The following PRDM5 variants were observed in gnomAD, a reference collection of about 807,000 sequenced individuals.
PRDM5 encodes PR/SET domain 5.
In PRDM5, 56 loss-of-function variants were observed where a neutral mutation model predicts 81.2. The observed-to-expected ratio is 0.69, with a 90% CI of 0.56 to 0.86. The LOEUF (loss-of-function observed/expected upper bound fraction) is 0.86. Ranked by LOEUF, PRDM5 falls within the 40% of genes least tolerant of loss-of-function variation. The pLI, the probability that PRDM5 is intolerant of heterozygous loss-of-function variation, is 0.00. For synonymous variants in PRDM5, 267 were observed against 256.4 expected (o/e 1.04, Z -0.39); for missense variants, 697 against 770.1 (o/e 0.91, Z 1.12).
At chr4:120,796,158 T>C (rs1291206582) in intron 10 of PRDM5, among the ~76,000 whole-genome samples, 1 of 152,178 alleles carries the variant, frequency 6.6e-6, no homozygotes, top group Non-Finnish European at 1.5e-5. Flanking sequence ...TGGCATATCC[T>C]TACTTCTATG....
chr4:120,820,592 C>T, intron 4 of PRDM5, among the ~76,000 whole-genome samples: 1 of 152,212 alleles, frequency 6.6e-6, no homozygotes, highest in Admixed American at 6.5e-5. Context: ...GACCTACGGT[C>T]ACTGAAAGTT....
chr4:120,698,968 T>C (rs1345465162), intron 15 of PRDM5, among the ~76,000 whole-genome samples: 2 of 151,756 alleles, frequency 1.3e-5, no homozygotes, highest in Admixed American at 1.3e-4. Flanking sequence ...AAATAAAACA[T>C]ACACATGTAC....
chr4:120,754,454 G>C, intron 14 of PRDM5, 99 bp downstream of exon 14: 3 of 761,080 alleles, frequency 3.9e-6, no homozygotes, highest in Non-Finnish European at 6.5e-6. Context: ...ACAACTTCCA[G>C]TGTATTGCCT....
intron 14 of PRDM5, among the ~76,000 whole-genome samples, chr4:120,742,520 G>A (rs1188654129): frequency 6.6e-6 from 1 of 151,940 alleles, no homozygotes; most frequent in Non-Finnish European, 1.5e-5. Flanking sequence ...CAAAGAAGTT[G>A]AAAACTTTGA....
chr4:120,889,250 G>A (rs1763791926), intron 2 of PRDM5, among the ~76,000 whole-genome samples: 1 of 152,086 alleles, frequency 6.6e-6, no homozygotes, highest in African/African-American at 2.4e-5. Context: ...CATATATGAT[G>A]TGAATTAGGG....
At chr4:120,911,862 T>A (rs1220032615) in intron 1 of PRDM5, among the ~76,000 whole-genome samples, 3 of 152,156 alleles carry the variant, frequency 2.0e-5, no homozygotes, top group African/African-American at 7.2e-5. Flanking sequence ...AGAGAAAATG[T>A]TTTTAAAATC....
chr4:120,715,760 T>A (rs1431388706), intron 14 of PRDM5, among the ~76,000 whole-genome samples: 1 of 152,204 alleles, frequency 6.6e-6, no homozygotes, highest in Non-Finnish European at 1.5e-5. Flanking sequence ...GAAGACATGA[T>A]GGGCATGGCA....
intron 2 of PRDM5, among the ~76,000 whole-genome samples, chr4:120,872,972 T>A (rs531803412): frequency 5.9e-5 from 9 of 152,012 alleles, no homozygotes; most frequent in Non-Finnish European, 1.3e-4. Context: ...GTTAAGATGG[T>A]AAATTTTATG....
intron 13 of PRDM5, among the ~76,000 whole-genome samples, chr4:120,755,652 T>G (rs560514138): frequency 6.6e-6 from 1 of 152,308 alleles, no homozygotes; most frequent in African/African-American, 2.4e-5. Context: ...CAATGCCCCT[T>G]GTTGCTTGAT....
intron 10 of PRDM5, 28 bp from the exon 11 acceptor site, chr4:120,785,119 G>A (rs754231115): frequency 1.1e-5 from 16 of 1,515,912 alleles, no homozygotes; most frequent in Non-Finnish European, 1.5e-5. Flanking sequence ...TGAGTCAGGA[G>A]GATCTAGAAT....
intron 1 of PRDM5, among the ~76,000 whole-genome samples, chr4:120,921,716 G>C (rs906108943): frequency 2.6e-5 from 4 of 152,182 alleles, no homozygotes; most frequent in Non-Finnish European, 5.9e-5. Context: ...CAAAGAGCTG[G>C]ACTTTTCCTG....
Position 120,803,071 on chromosome 4 carries a change from G to A in PRDM5, c.946-3326C>T, listed in dbSNP as rs144426306. 2.6e-3 allele frequency among the ~76,000 whole-genome samples: 393 copies of A among 152,190 alleles called. 3 individuals are homozygous for A. The highest frequency in any genetic ancestry group is 9.1e-3 in the African/African-American group (378 of 41,542). On this transcript the variant is annotated intron_variant, in intron 8 of 15. Coordinates refer to ENST00000264808, the MANE Select transcript of PRDM5 (RefSeq NM_018699.4). Reference sequence around the variant, plus strand: ...ACTACATGACAAATGCACAAGCTTCGGTAGCTGATTCGATCAGCTGGAAGA... The same window carrying A: ...ACTACATGACAAATGCACAAGCTTCAGTAGCTGATTCGATCAGCTGGAAGA...
At chr4:120,765,038 A>T (rs750994866) in intron 13 of PRDM5, among the ~76,000 whole-genome samples, 8 of 152,112 alleles carry the variant, frequency 5.3e-5, no homozygotes, top group Non-Finnish European at 8.8e-5. Context: ...ATAATTACTT[A>T]TAATTATTTA....
At chr4:120,751,376 T>C (rs1184416015) in intron 14 of PRDM5, among the ~76,000 whole-genome samples, 2 of 151,486 alleles carry the variant, frequency 1.3e-5, no homozygotes, top group Middle Eastern at 3.2e-3. Flanking sequence ...CGAGATTTTT[T>C]TAAAAATGCA....
At chr4:120,914,999 G>C (rs527594243) in intron 1 of PRDM5, among the ~76,000 whole-genome samples, 1 of 152,016 alleles carries the variant, frequency 6.6e-6, no homozygotes, top group Non-Finnish European at 1.5e-5. Flanking sequence ...CTGGACACTC[G>C]GAAGAGACAG....
At chr4:120,720,092 C>G (rs1033754915) in intron 14 of PRDM5, among the ~76,000 whole-genome samples, 3 of 152,150 alleles carry the variant, frequency 2.0e-5, no homozygotes, top group Non-Finnish European at 4.4e-5. Context: ...CTCTCCCCAA[C>G]CCCAGCATAG....
intron 7 of PRDM5, among the ~76,000 whole-genome samples, chr4:120,814,377 T>C (rs1441779309): frequency 2.0e-5 from 3 of 152,306 alleles, no homozygotes; most frequent in Admixed American, 6.5e-5. Context: ...CAAAAACATT[T>C]AGGAACACAT....
At position 120,811,096 on chromosome 4, in the gene PRDM5, C is replaced by G. The variant is rs3789142; in HGVS notation, c.945+274G>C. Among the ~76,000 whole-genome samples the G allele has an allele frequency of 0.25, 38,724 of 151,920 alleles. 5,654 individuals are homozygous for G. Among genetic ancestry groups the G allele is most frequent in the East Asian group, 0.35 (1,822 of 5,182 alleles). The stretch of plus-strand genomic sequence containing the variant: ...TAAAAGAAACAATATGTGAAATTAA[C>G]AATGATCATTTACATCTTTGTTATA... On this transcript the variant is annotated intron_variant, in intron 8 of 15. Coordinates refer to ENST00000264808, the MANE Select transcript of PRDM5 (RefSeq NM_018699.4).
intron 14 of PRDM5, among the ~76,000 whole-genome samples, chr4:120,719,767 C>G (rs568679643): frequency 3.9e-4 from 59 of 152,204 alleles, no homozygotes; most frequent in Non-Finnish European, 6.3e-4. Flanking sequence ...ATTCATTATC[C>G]TATTCTCTGC....
Sources: gnomAD v4.1 joint callset for allele counts (sites outside exome capture counted in the v4.1 genomes callset) on GRCh38, gnomAD v4.1.1 for gene constraint, MANE v1.5 for transcripts, NCBI Gene and HGNC (gene_info 2026-07-23, HGNC 2026-07-21) for gene names.